The following MAP4K5 variants were observed in gnomAD, a reference collection of about 807,000 sequenced individuals.
MAP4K5 encodes MAPK/ERK kinase kinase kinase 5.
A neutral mutation model predicts 135.6 loss-of-function variants in MAP4K5; 82 were observed. The observed-to-expected ratio is 0.60, with a 90% CI of 0.51 to 0.73. The LOEUF (loss-of-function observed/expected upper bound fraction) is 0.73. Among genes scored for constraint, MAP4K5 ranks in the 30% least tolerant of loss-of-function variants. MAP4K5 has a pLI of 0.00. For synonymous variants in MAP4K5, 347 were observed against 335.0 expected, an observed-to-expected ratio of 1.04 and a Z score of -0.39; for missense variants, 907 against 1,010.9, an observed-to-expected ratio of 0.90 and a Z score of 1.39.
At chr14:50,545,629 A>G (rs1429863274) in intron 1 of MAP4K5, among the ~76,000 whole-genome samples, 17 of 152,194 alleles carry the variant, frequency 1.1e-4, no homozygotes, top group Admixed American at 1.1e-3. Context: ...CTACTGAGAA[A>G]TTGTTAAAGC....
intron 5 of MAP4K5, among the ~76,000 whole-genome samples, chr14:50,484,632 T>C (rs1323347180): frequency 6.6e-6 from 1 of 152,186 alleles, no homozygotes; most frequent in Non-Finnish European, 1.5e-5. Flanking sequence ...GGTCAATAAT[T>C]ATGAAGTAAC....
intron 13 of MAP4K5, among the ~76,000 whole-genome samples, chr14:50,462,209 A>G (rs1231033914): frequency 1.3e-5 from 2 of 152,202 alleles, no homozygotes; most frequent in Non-Finnish European, 2.9e-5. Context: ...GTTGAAAGCA[A>G]GGCTCTTAAA....
chr14:50,546,814 A>C (rs1405403471), intron 1 of MAP4K5, among the ~76,000 whole-genome samples: 6 of 135,308 alleles, frequency 4.4e-5, no homozygotes, highest in Non-Finnish European at 4.7e-5. Context: ...CTGAATTATC[A>C]GCAAAATGCC....
chr14:50,453,272 C>CAAAAA (rs750792572), intron 14 of MAP4K5, among the ~76,000 whole-genome samples: 1 of 105,828 alleles, frequency 9.4e-6, no homozygotes, highest in Admixed American at 9.6e-5. Flanking sequence ...GATGACAAAC[C>CAAAAA]AAAAAAAAAA....
At chr14:50,470,559 A>G (rs2036934672) in intron 9 of MAP4K5, among the ~76,000 whole-genome samples, 1 of 152,020 alleles carries the variant, frequency 6.6e-6, no homozygotes, top group South Asian at 2.1e-4. Flanking sequence ...TTGACTGAAA[A>G]CAATTTGGAA....
At chr14:50,448,871 T>C in intron 14 of MAP4K5, 39 bp from the exon 15 acceptor site, 1 of 1,039,272 alleles carries the variant, frequency 9.6e-7, no homozygotes, top group Non-Finnish European at 1.4e-6. Flanking sequence ...ACTCAGCATC[T>C]CAAAGGGTTG....
chr14:50,453,669 A>T (rs1015136566), intron 14 of MAP4K5, among the ~76,000 whole-genome samples: 10 of 152,144 alleles, frequency 6.6e-5, no homozygotes, highest in Non-Finnish European at 1.2e-4. Flanking sequence ...AACACTTCAA[A>T]AAGTTTCCAA....
chr14:50,525,751 G>T (rs1401690141), intron 2 of MAP4K5, among the ~76,000 whole-genome samples: 7 of 152,150 alleles, frequency 4.6e-5, no homozygotes, highest in Non-Finnish European at 8.8e-5. Flanking sequence ...GGCTGAAGTG[G>T]GAGGATCACT....
intron 2 of MAP4K5, among the ~76,000 whole-genome samples, chr14:50,531,142 T>C (rs2038377256): frequency 1.3e-5 from 2 of 152,246 alleles, no homozygotes; most frequent in African/African-American, 2.4e-5. Context: ...TCTCAATCTC[T>C]TTCCTCTGAA....
At chr14:50,500,239 C>T (rs2037679552) in intron 3 of MAP4K5, among the ~76,000 whole-genome samples, 1 of 152,132 alleles carries the variant, frequency 6.6e-6, no homozygotes, top group Admixed American at 6.6e-5. Flanking sequence ...ACAATATATA[C>T]ACGTATACAT....
In MAP4K5 at chr14:50,468,663, A is replaced by G; in HGVS notation, c.662T>C (p.Leu221Pro). The G allele has an allele frequency of 6.2e-7, 1 of 1,613,416 alleles. No homozygotes were observed. Among genetic ancestry groups the G allele is most frequent in the Non-Finnish European group, 8.5e-7 (1 of 1,179,504 alleles). Residue 221 changes from leucine (L) to proline (P), a missense_variant, in exon 10 of 33, where the codon CTC (leucine) becomes CCC (proline). Around this residue, in one of 3 missense-constraint regions of MAP4K5, gnomAD observed 690 missense variants for 777.4 expected, o/e 0.89. Coordinates refer to ENST00000682126, the MANE Select transcript of MAP4K5 (RefSeq NM_006575.6). Reference sequence around the variant, plus strand: ...ATAATGAGAACACCTCATTGGGTGGAGATCAAACATAGGTGGCTGAAGTTC... The same window carrying G: ...ATAATGAGAACACCTCATTGGGTGGGGATCAAACATAGGTGGCTGAAGTTC... ...LGELQPPMFD[L>P]HPMRALFLMS...
chr14:50,526,609 T>C (rs1176446747), intron 2 of MAP4K5, among the ~76,000 whole-genome samples: 2 of 152,222 alleles, frequency 1.3e-5, no homozygotes. Context: ...TCTGTTTTCT[T>C]GACTAAACCA....
intron 1 of MAP4K5, among the ~76,000 whole-genome samples, chr14:50,544,145 G>A (rs1336657172): frequency 6.6e-6 from 1 of 152,212 alleles, no homozygotes; most frequent in Non-Finnish European, 1.5e-5. Flanking sequence ...CTGGACAGTG[G>A]GAAACTGAAG....
intron 3 of MAP4K5, among the ~76,000 whole-genome samples, chr14:50,498,503 G>A (rs1460450820): frequency 6.6e-6 from 1 of 152,076 alleles, no homozygotes; most frequent in Non-Finnish European, 1.5e-5. Context: ...ATTAATAAAC[G>A]CGATTTTCTG....
At chr14:50,558,642 A>C (rs1595578224) in intron 1 of MAP4K5, among the ~76,000 whole-genome samples, 2 of 152,176 alleles carry the variant, frequency 1.3e-5, no homozygotes, top group African/African-American at 4.8e-5. Context: ...GAATTATATA[A>C]ATTTTTTCTT....
chr14:50,454,776 T>C (rs972084986), intron 14 of MAP4K5, among the ~76,000 whole-genome samples: 1 of 152,066 alleles, frequency 6.6e-6, no homozygotes, highest in Non-Finnish European at 1.5e-5. Flanking sequence ...TAATAAGATC[T>C]GTGTAAAAAC....
intron 6 of MAP4K5, among the ~76,000 whole-genome samples, chr14:50,480,403 C>CTAGAACTTACTCATTCTTTCT (rs2037211287): frequency 7.0e-6 from 1 of 143,396 alleles, no homozygotes; most frequent in Non-Finnish European, 1.5e-5. Flanking sequence ...CTCATTCTTT[C>CTAGAACTTACTCATTCTTTCT]TTTTTTTTTT....
intron 17 of MAP4K5, 121 bp from the exon 18 acceptor site, chr14:50,445,315 G>C: frequency 1.3e-6 from 1 of 774,738 alleles, no homozygotes; most frequent in Non-Finnish European, 1.9e-6. Context: ...GGCTAAGTGA[G>C]CAAAGTAAGA....
intron 21 of MAP4K5, among the ~76,000 whole-genome samples, chr14:50,441,639 T>C (rs1236150029): frequency 1.3e-5 from 2 of 151,754 alleles, no homozygotes; most frequent in Non-Finnish European, 1.5e-5. Context: ...GGCACGAGGA[T>C]TGCCCAAGCC....
Sources: allele counts gnomAD v4.1 joint callset (sites outside exome capture counted in the v4.1 genomes callset), GRCh38; gene constraint gnomAD v4.1.1; regional missense constraint gnomAD v4.1.1; transcripts MANE v1.5; gene names NCBI Gene and HGNC (gene_info 2026-07-23, HGNC 2026-07-21).